The following IRAK3 variants were observed in gnomAD, a reference collection of about 807,000 sequenced individuals.
IRAK3 encodes the protein interleukin-1 receptor-associated kinase 3.
In IRAK3, 57 loss-of-function variants were observed where a neutral mutation model predicts 56.6. The observed-to-expected ratio is 1.01, with a 90% CI of 0.81 to 1.26. The LOEUF is 1.26. IRAK3 is among the 50% of genes most tolerant of loss of function. The pLI is 0.00. For synonymous variants in IRAK3, 258 were observed against 255.7 expected (o/e 1.01, Z -0.09); for missense variants, 703 against 719.0 (o/e 0.98, Z 0.25).
Position 66,230,106 on chromosome 12 carries a change from A to T in IRAK3, c.887+1736A>T, listed in dbSNP as rs145790379. Among the ~76,000 whole-genome samples the T allele has an allele frequency of 3.1e-4, 47 of 152,320 alleles. No individual in the cohort carries two copies. In the South Asian group the frequency reaches 5.2e-3, roughly 17 times the overall value. ...GGAGCATCAGGGCAGGGAGGGAGGC[A>T]GAGGCAAGCTCTGCCCATGTCCCGT... On this transcript the variant is annotated intron_variant, in intron 8 of 11. Transcript: ENST00000261233.
At chr12:66,198,154 G>GC in intron 1 of IRAK3, 1 of 954,948 alleles carries the variant, frequency 1.0e-6, no homozygotes, top group Non-Finnish European at 1.2e-6. Flanking sequence ...TTCCATCTTT[G>GC]CATCACCTTC....
At chr12:66,242,599 G>T (rs2052981469) in intron 8 of IRAK3, among the ~76,000 whole-genome samples, 1 of 152,168 alleles carries the variant, frequency 6.6e-6, no homozygotes, top group African/African-American at 2.4e-5. Context: ...TGACAACTGT[G>T]CTCATTGATA....
At chr12:66,212,307 G>A (rs1026664883) in intron 5 of IRAK3, among the ~76,000 whole-genome samples, 4 of 152,218 alleles carry the variant, frequency 2.6e-5, no homozygotes, top group Admixed American at 2.0e-4. Context: ...AGGGTGGAAG[G>A]AGGAGGCTTT....
chr12:66,210,277 T>A, intron 4 of IRAK3, 76 bp downstream of exon 4: 1 of 817,422 alleles, frequency 1.2e-6, no homozygotes, highest in South Asian at 1.4e-5. Flanking sequence ...GAGGGAGAAA[T>A]ACCCAATAAA....
chr12:66,244,622 C>T lies in IRAK3; in HGVS notation c.1024C>T (p.Pro342Ser). The change falls in exon 9 of 12, where the codon CCA becomes TCA. Residue 342 changes from proline (P) to serine (S), a missense_variant. Pro to Ser is a moderately conservative substitution (Grantham distance 74). Coordinates refer to ENST00000261233, the MANE Select transcript of IRAK3 (RefSeq NM_007199.3). ...SSSSKHLWYM[P>S]EEYIRQGKLS... is the part of the protein sequence containing the mutation. Reference sequence around the variant, plus strand: ...CAGCAGTAAACATCTGTGGTACATGCCAGAAGAGTACATCAGACAGGGGAA... The same window carrying T: ...CAGCAGTAAACATCTGTGGTACATGTCAGAAGAGTACATCAGACAGGGGAA... 1.2e-6 allele frequency: 2 copies of T among 1,613,782 alleles called. No individual in the cohort carries two copies. Among genetic ancestry groups the T allele is most frequent in the Non-Finnish European group, 1.7e-6 (2 of 1,179,838 alleles).
intron 2 of IRAK3, among the ~76,000 whole-genome samples, chr12:66,206,828 C>T (rs191254081): frequency 6.6e-6 from 1 of 152,314 alleles, no homozygotes; most frequent in East Asian, 1.9e-4. Context: ...ACCTGTGAAG[C>T]CATCTAAGCC....
chr12:66,192,901 C>G (rs1449024354), intron 1 of IRAK3, among the ~76,000 whole-genome samples: 1 of 152,118 alleles, frequency 6.6e-6, no homozygotes, highest in African/African-American at 2.4e-5. Flanking sequence ...TCACAGTCTT[C>G]TAAATGGCAC....
In IRAK3 at chr12:66,203,892, T is replaced by C. The variant is rs774084859; in HGVS notation, c.315T>C (p.Tyr105=). 1 of 1,611,058 alleles carries C rather than the reference T, an allele frequency of 6.2e-7. No individual in the cohort carries two copies. Among genetic ancestry groups the C allele is most frequent in the South Asian group, 1.1e-5 (1 of 91,004 alleles). The change falls in exon 2 of 12, where the codon TAT becomes TAC. Residue 105 remains tyrosine, a splice_region_variant and synonymous_variant. Coordinates refer to ENST00000261233, the MANE Select transcript of IRAK3 (RefSeq NM_007199.3). ...GAGCTATTCATTTAATTACAAACTA[T>C]GGTAAATGCTGATTCTTATAATGTG... ...HRRAIHLITN[Y]GAVLSPSEKS...
chr12:66,219,911 A>G (rs1592589526), intron 6 of IRAK3, among the ~76,000 whole-genome samples: 1 of 152,098 alleles, frequency 6.6e-6, no homozygotes, highest in Non-Finnish European at 1.5e-5. Flanking sequence ...CTTTTTTGCT[A>G]TTGAATTGTA....
intron 4 of IRAK3, 83 bp downstream of exon 4, chr12:66,210,284 T>G: frequency 1.3e-6 from 1 of 756,420 alleles, no homozygotes; most frequent in South Asian, 1.5e-5. Context: ...AAATACCCAA[T>G]AAACACAATA....
At chr12:66,212,050 G>T (rs570126224) in intron 5 of IRAK3, among the ~76,000 whole-genome samples, 24 of 150,814 alleles carry the variant, frequency 1.6e-4, no homozygotes, top group African/African-American at 5.9e-4. Context: ...AGAAGAGGCT[G>T]CAGTGAGCCA....
At chr12:66,195,272 A>G (rs1481116852) in intron 1 of IRAK3, among the ~76,000 whole-genome samples, 1 of 152,150 alleles carries the variant, frequency 6.6e-6, no homozygotes, top group African/African-American at 2.4e-5. Flanking sequence ...TGCCACCGTA[A>G]CCATCTTGGC....
chr12:66,248,298 A>C lies in IRAK3; in HGVS notation c.*127A>C. 1 of 691,996 alleles carries C rather than the reference A, an allele frequency of 1.4e-6. No individual in the cohort carries two copies. The highest frequency in any genetic ancestry group is 2.6e-6 in the Non-Finnish European group (1 of 391,764). The allele number at this position is 691,996 out of a possible 1,614,324, so 42.9% of individuals were successfully genotyped here. ...GATCAATAGTGAGTTTGGGTGATGCAGATAAACAATCTGGATAATTCCATT... is the reference window on the plus strand; with the variant it reads ...GATCAATAGTGAGTTTGGGTGATGCCGATAAACAATCTGGATAATTCCATT... On this transcript the variant is annotated 3_prime_UTR_variant, in exon 12 of 12. Coordinates refer to ENST00000261233, the MANE Select transcript of IRAK3 (RefSeq NM_007199.3).
intron 1 of IRAK3, among the ~76,000 whole-genome samples, chr12:66,193,918 CT>C (rs1270490210): frequency 6.6e-6 from 1 of 152,138 alleles, no homozygotes; most frequent in Non-Finnish European, 1.5e-5. Flanking sequence ...GTAGAGCCTG[CT>C]TTTTTTGTGT....
At chr12:66,243,657 T>A (rs2052995912) in intron 8 of IRAK3, among the ~76,000 whole-genome samples, 1 of 152,120 alleles carries the variant, frequency 6.6e-6, no homozygotes, top group Non-Finnish European at 1.5e-5. Flanking sequence ...CCTGCCAGAG[T>A]TCTGTTCTCC....
chr12:66,225,229 A>G (rs1038793105), intron 6 of IRAK3, among the ~76,000 whole-genome samples: 1 of 152,126 alleles, frequency 6.6e-6, no homozygotes, highest in African/African-American at 2.4e-5. Flanking sequence ...GTATACACCG[A>G]CTGTGAAATA....
At chr12:66,217,007 T>C (rs2052683313) in intron 5 of IRAK3, among the ~76,000 whole-genome samples, 164 bp from the exon 6 acceptor site, 1 of 152,174 alleles carries the variant, frequency 6.6e-6, no homozygotes, top group African/African-American at 2.4e-5. Flanking sequence ...GGCTAATGGA[T>C]TGTTGAAAAT....
Position 66,251,150 on chromosome 12 carries a change from A to G in IRAK3, c.*2979A>G, listed in dbSNP as rs2053095521. 6.6e-6 allele frequency: 1 copy of G among 152,228 alleles called. No homozygotes were observed. Among genetic ancestry groups the G allele is most frequent in the Admixed American group, 6.5e-5 (1 of 15,282 alleles). The allele number at this position is 152,228 out of a possible 1,614,324, so 9.4% of individuals were successfully genotyped here. On this transcript the variant is annotated 3_prime_UTR_variant, in exon 12 of 12. Transcript: ENST00000261233. ...GACTAGACCATCTTTCTAGAGTATAACTATTTTGGACACCTCAAAGATGAA... is the reference window on the plus strand; with the variant it reads ...GACTAGACCATCTTTCTAGAGTATAGCTATTTTGGACACCTCAAAGATGAA...
chr12:66,247,274 A>AAAAC (rs1307045956), intron 11 of IRAK3, among the ~76,000 whole-genome samples: 3 of 150,880 alleles, frequency 2.0e-5, no homozygotes, highest in East Asian at 1.9e-4. Flanking sequence ...CATCTCAAAA[A>AAAAC]AAAACAAAAC....
Sources: gnomAD v4.1 joint callset for allele counts (sites outside exome capture counted in the v4.1 genomes callset) on GRCh38, gnomAD v4.1.1 for gene constraint, MANE v1.5 for transcripts, NCBI Gene and HGNC (gene_info 2026-07-23, HGNC 2026-07-21) for gene names.